TREM2: variants seen among roughly 807,000 people sequenced by gnomAD.
TREM2 encodes triggering receptor expressed on myeloid cells 2.
Under a neutral mutation model 22.9 loss-of-function variants are expected in TREM2, and 20 were observed. That is an observed-to-expected ratio of 0.87 (90% CI 0.61 to 1.27). TREM2 has a LOEUF of 1.27. TREM2 is among the 50% of genes most tolerant of loss of function. TREM2 has a pLI of 0.00. For missense variants in TREM2, 267 were observed against 289.0 expected (o/e 0.92, Z 0.55); for synonymous variants, 111 against 120.9 (o/e 0.92, Z 0.54).
rs1347489806 is a variant in TREM2 at position 41,159,714 on chromosome 6, A to T, written c.482+78T>A. The T allele has an allele frequency of 3.0e-6, 4 of 1,341,646 alleles. No individual in the cohort carries two copies. The East Asian group carries it at 6.9e-5, about 23-fold the overall frequency. 83.1% of individuals were successfully genotyped at this position (1,341,646 alleles called of 1,614,324 possible). A position where few individuals can be genotyped will look rare whatever the true frequency, so the allele number is the denominator to read the frequency against. On this transcript the variant is annotated intron_variant, in intron 3 of 4. Transcript: ENST00000373113. ...GTTGCCTTGTAATTTGTAGTTCAGG[A>T]TGCCCAGCCCCCACCCCCGTGGGGC...
chr6:41,161,480 G>A lies in TREM2; in HGVS notation c.174C>T (p.Gly58=), dbSNP rs1765565049. The change falls in exon 2 of 5, where the codon GGC becomes GGT. Residue 58 remains glycine (G), a synonymous_variant. Coordinates refer to ENST00000373113, the MANE Select transcript of TREM2 (RefSeq NM_018965.4). The part of the protein sequence containing the change: ...KAWCRQLGEK[G]PCQRVVSTHN... ...GCGTGCTGACCACACGCTGGCATGG[G>A]CCCTTCTCTCCCAGCTGGCGGCACC... 6.2e-7 allele frequency: 1 copy of A among 1,614,216 alleles called. No homozygotes were observed. Among genetic ancestry groups the A allele is most frequent in the African/African-American group, 1.3e-5 (1 of 75,056 alleles).
intron 1 of TREM2, among the ~76,000 whole-genome samples, chr6:41,161,831 C>T (rs1167243822): frequency 6.6e-6 from 1 of 152,172 alleles, no homozygotes; most frequent in Non-Finnish European, 1.5e-5. Context: ...GCTGGGCCTC[C>T]TTGGAGAAGT....
chr6:41,161,732 G>A lies in TREM2; in HGVS notation c.41-119C>T. The A allele has an allele frequency of 3.5e-6, 3 of 857,414 alleles. No homozygotes were observed. In the South Asian group the frequency reaches 4.4e-5, roughly 13 times the overall value. The allele number at this position is 857,414 out of a possible 1,614,324, so 53.1% of individuals were successfully genotyped here. A position where few individuals can be genotyped will look rare whatever the true frequency, so the allele number is the denominator to read the frequency against. On this transcript the variant is annotated intron_variant, in intron 1 of 4. Coordinates refer to ENST00000373113, the MANE Select transcript of TREM2 (RefSeq NM_018965.4). ...TGAAGGAGCTTAGGTTCTTATACAA[G>A]TTGGGAGCGGATGGCACAGCATGTG...
chr6:41,158,747 C>T lies in TREM2; in HGVS notation c.*17G>A, dbSNP rs1029100705. The stretch of plus-strand genomic sequence containing the variant: ...CTGGTGGGACTTCTCCTGGGCTTTT[C>T]CTCCCATCATCTTCCTTCACGTGTC... On this transcript the variant is annotated 3_prime_UTR_variant, in exon 5 of 5. Transcript: ENST00000373113. The T allele has an allele frequency of 1.9e-6, 3 of 1,614,216 alleles. No homozygotes were observed. Among genetic ancestry groups the T allele is most frequent in the Non-Finnish European group, 2.5e-6 (3 of 1,180,040 alleles).
At chr6:41,162,739 A>G (rs1055325701) in intron 1 of TREM2, among the ~76,000 whole-genome samples, 1 of 151,954 alleles carries the variant, frequency 6.6e-6, no homozygotes, top group African/African-American at 2.4e-5. Flanking sequence ...GCTTCCCCCA[A>G]CTGCCAGCTA....
At chr6:41,163,009 G>T (rs769602566) in intron 1 of TREM2, 34 bp downstream of exon 1, 1 of 1,614,052 alleles carries the variant, frequency 6.2e-7, no homozygotes, top group Non-Finnish European at 8.5e-7. Flanking sequence ...AAGTGAGGGA[G>T]AGAAGGCATC....
rs765569948 is a variant in TREM2 at position 41,158,977 on chromosome 6, C to T, written c.572G>A (p.Ser191Asn). ...CIFLIKILAASALWAAAWHGQ... is the reference protein window; with the variant it reads ...CIFLIKILAANALWAAAWHGQ... Reference sequence around the variant, plus strand: ...ATGCCAGGCTGCAGCCCAGAGGGCGCTGGCTGCTAGAATCTTGATGAGAAA... The same window carrying T: ...ATGCCAGGCTGCAGCCCAGAGGGCGTTGGCTGCTAGAATCTTGATGAGAAA... The change falls in exon 4 of 5, where the codon AGC becomes AAC. Residue 191 changes from serine (S) to asparagine (N), a missense_variant. Coordinates refer to ENST00000373113, the MANE Select transcript of TREM2 (RefSeq NM_018965.4). 4 of 1,614,188 alleles carry T rather than the reference C, an allele frequency of 2.5e-6. No individual in the cohort carries two copies. The highest frequency in any genetic ancestry group is 3.4e-6 in the Non-Finnish European group (4 of 1,180,030).
intron 3 of TREM2, 88 bp downstream of exon 3, chr6:41,159,703 TG>T (rs1171607843): frequency 9.4e-6 from 11 of 1,175,462 alleles, no homozygotes; most frequent in Admixed American, 1.7e-5. Context: ...CCTTGTAATT[TG>T]TAGTTCAGGA....
In TREM2 at chr6:41,162,981, G is replaced by A. The variant is rs948234414; in HGVS notation, c.40+62C>T. ...ATTCACCCCAGGGCCCACCACCCGC[G>A]CCCCAACCACATGCTCAAAGTGAGG... On this transcript the variant is annotated intron_variant, in intron 1 of 4. Coordinates refer to ENST00000373113, the MANE Select transcript of TREM2 (RefSeq NM_018965.4). The A allele has an allele frequency of 4.0e-5, 64 of 1,612,170 alleles. 1 individual carries two copies. The highest frequency in any genetic ancestry group is 9.9e-5 in the South Asian group (9 of 91,056).
intron 3 of TREM2, 65 bp downstream of exon 3, chr6:41,159,727 A>AC (rs1765510236): frequency 5.4e-6 from 8 of 1,482,778 alleles, no homozygotes; most frequent in African/African-American, 1.4e-5. Flanking sequence ...CCCAGCCCCC[A>AC]CCCCCGTGGG....
At chr6:41,162,674 C>T (rs1467586676) in intron 1 of TREM2, among the ~76,000 whole-genome samples, 1 of 152,074 alleles carries the variant, frequency 6.6e-6, no homozygotes, top group African/African-American at 2.4e-5. Flanking sequence ...TGTAGGGGCT[C>T]ATAATTAGTG....
Position 41,158,522 on chromosome 6 carries a change from A to G in TREM2, c.*242T>C, listed in dbSNP as rs1765474175. 2.2e-6 allele frequency: 3 copies of G among 1,372,734 alleles called. No individual in the cohort carries two copies. Among genetic ancestry groups the G allele is most frequent in the East Asian group, 5.0e-5 (2 of 39,760 alleles). 85.0% of individuals were successfully genotyped at this position (1,372,734 alleles called of 1,614,324 possible). On this transcript the variant is annotated 3_prime_UTR_variant, in exon 5 of 5. Transcript: ENST00000373113. Reference sequence around the variant, plus strand: ...GCCCAAAACTATCCAGCTAAATATGACAGTCTTGGATTTATTTGTAAGTGT... The same window carrying G: ...GCCCAAAACTATCCAGCTAAATATGGCAGTCTTGGATTTATTTGTAAGTGT...
intron 3 of TREM2, 70 bp downstream of exon 3, chr6:41,159,721 GC>G (rs1765509005): frequency 2.1e-6 from 3 of 1,422,006 alleles, no homozygotes; most frequent in Non-Finnish European, 2.0e-6. Context: ...AGGATGCCCA[GC>G]CCCCACCCCC....
Position 41,161,366 on chromosome 6 carries a change from C to A in TREM2, c.288G>T (p.Thr96=), listed in dbSNP as rs562417614. 6.2e-6 allele frequency: 10 copies of A among 1,614,116 alleles called. No homozygotes were observed. The highest frequency in any genetic ancestry group is 8.5e-6 in the Non-Finnish European group (10 of 1,180,046). Residue 96 remains threonine, a synonymous_variant, in exon 2 of 5, where the codon ACG becomes ACT. Transcript: ENST00000373113. The stretch of plus-strand genomic sequence containing the variant: ...CATCATGGGGTTGTAGATTCCGCAG[C>A]GTAATGGTGAGAGTGCCACCCAGGG... ...DDTLGGTLTI[T]LRNLQPHDAG...
chr6:41,159,698 T>C (rs1479229295), intron 3 of TREM2, 94 bp downstream of exon 3: 2 of 1,116,194 alleles, frequency 1.8e-6, no homozygotes, highest in African/African-American at 3.1e-5. Context: ...AGTTGCCTTG[T>C]AATTTGTAGT....
At chr6:41,160,606 C>T (rs1053513955) in intron 2 of TREM2, among the ~76,000 whole-genome samples, 6 of 152,206 alleles carry the variant, frequency 3.9e-5, no homozygotes, top group East Asian at 1.9e-4. Context: ...CCTGGAATGA[C>T]GATCCCAAGA....
intron 1 of TREM2, 23 bp from the exon 2 acceptor site, chr6:41,161,636 C>T (rs1765570773): frequency 1.9e-6 from 3 of 1,593,234 alleles, no homozygotes; most frequent in Non-Finnish European, 2.6e-6. Flanking sequence ...CATTCATTCA[C>T]TCCTTTGTTT....
rs2113876726 is a variant in TREM2, at chr6:41,158,655, G to C, written c.*109C>G. 6.2e-7 allele frequency: 1 copy of C among 1,607,254 alleles called. No individual in the cohort carries two copies. On this transcript the variant is annotated 3_prime_UTR_variant, in exon 5 of 5. Transcript: ENST00000373113. The stretch of plus-strand genomic sequence containing the variant: ...GGAGAAGCAGTGTTCAGGCAGAGTA[G>C]TCTCTTGCCAGAGCAGAACAAGGAG...
chr6:41,160,621 T>C (rs1430280658), intron 2 of TREM2, among the ~76,000 whole-genome samples: 2 of 151,854 alleles, frequency 1.3e-5, no homozygotes, highest in African/African-American at 4.8e-5. Context: ...CCAAGACAGT[T>C]CAGTAGCAGG....
Sources: gnomAD v4.1 joint callset for allele counts (sites outside exome capture counted in the v4.1 genomes callset) on GRCh38, gnomAD v4.1.1 for gene constraint, MANE v1.5 for transcripts, NCBI Gene and HGNC (gene_info 2026-07-23, HGNC 2026-07-21) for gene names.